The following MTCL2 variants were observed in gnomAD, a reference collection of about 807,000 sequenced individuals.
MTCL2 encodes the protein microtubule cross-linking factor 2.
At chr20:36,812,183 C>T in the MTCL2 span, among the ~76,000 whole-genome samples, 1 of 152,022 alleles carries the variant, frequency 6.6e-6, no homozygotes, top group African/African-American at 2.4e-5. Context: ...CATAATCATC[C>T]TCCTCCTCCT....
the MTCL2 span, chr20:36,862,806 G>C: frequency 1.4e-6 from 2 of 1,400,276 alleles, no homozygotes; most frequent in Admixed American, 5.1e-5. Flanking sequence ...CGCGGCCACC[G>C]ACGGCTCGTC....
At chr20:36,813,031 G>A in the MTCL2 span, among the ~76,000 whole-genome samples, 5 of 152,224 alleles carry the variant, frequency 3.3e-5, no homozygotes, top group South Asian at 4.1e-4. Context: ...CACTGCTGCC[G>A]TTTAATGAAT....
the MTCL2 span, among the ~76,000 whole-genome samples, chr20:36,804,153 C>T: frequency 5.3e-5 from 8 of 152,082 alleles, no homozygotes; most frequent in Non-Finnish European, 7.4e-5. Flanking sequence ...AGGCTGCTGA[C>T]GCCTGGGAAG....
chr20:36,786,286 C>A, the MTCL2 span: 1 of 1,267,306 alleles, frequency 7.9e-7, no homozygotes, highest in South Asian at 2.4e-5. Context: ...GAAGTCGAAG[C>A]TCACCACCCA....
the MTCL2 span, chr20:36,785,221 C>A: frequency 4.1e-6 from 4 of 985,258 alleles, no homozygotes; most frequent in African/African-American, 7.0e-5. Context: ...ACCAGGAGGC[C>A]AGGTCTCCAA....
the MTCL2 span, chr20:36,793,805 A>C: frequency 6.5e-7 from 1 of 1,541,892 alleles, no homozygotes; most frequent in Non-Finnish European, 8.7e-7. This position sits in a 1 kb window ranked among gnomAD's most constrained non-coding sequence, Gnocchi z 6.8. Context: ...GCGCGAATGG[A>C]CCTTGTCCAG....
At chr20:36,807,865 C>CTTT in the MTCL2 span, among the ~76,000 whole-genome samples, 37 of 53,542 alleles carry the variant, frequency 6.9e-4, 3 homozygotes, top group East Asian at 4.8e-3. Context: ...GAAACCCTGT[C>CTTT]TTTTTTTTTT....
At chr20:36,832,421 A>G in the MTCL2 span, among the ~76,000 whole-genome samples, 1 of 152,190 alleles carries the variant, frequency 6.6e-6, no homozygotes, top group South Asian at 2.1e-4. Context: ...GGGGTTCATG[A>G]ACAACTCTAT....
chr20:36,777,526 C>T, the MTCL2 span: 1 of 397,616 alleles, frequency 2.5e-6, no homozygotes, highest in Admixed American at 4.5e-5. Context: ...ATTCTCATGT[C>T]TGAAATAAGA....
the MTCL2 span, among the ~76,000 whole-genome samples, chr20:36,845,680 G>A: frequency 1.3e-5 from 2 of 152,224 alleles, no homozygotes; most frequent in Non-Finnish European, 2.9e-5. Context: ...AGGTGCTGCT[G>A]GGGCTTGGGG....
chr20:36,822,784 G>A, the MTCL2 span, among the ~76,000 whole-genome samples: 18 of 150,794 alleles, frequency 1.2e-4, no homozygotes, highest in South Asian at 2.7e-3. Context: ...TTGAGACAGG[G>A]TCTCACTCTG....
At chr20:36,826,694 T>G in the MTCL2 span, among the ~76,000 whole-genome samples, 2 of 151,828 alleles carry the variant, frequency 1.3e-5, no homozygotes, top group African/African-American at 4.8e-5. Flanking sequence ...CTTCTTAAGG[T>G]TGAATAGTTT....
At chr20:36,839,515 A>G in the MTCL2 span, 1 of 1,397,440 alleles carries the variant, frequency 7.2e-7, no homozygotes, top group Non-Finnish European at 9.8e-7. The surrounding 1 kb of genome is among the most constrained non-coding windows in gnomAD (Gnocchi z 5.1). Flanking sequence ...GGCCACACCT[A>G]GGACTGAATG....
the MTCL2 span, among the ~76,000 whole-genome samples, chr20:36,807,074 C>A: frequency 6.6e-6 from 1 of 152,074 alleles, no homozygotes; most frequent in African/African-American, 2.4e-5. Context: ...CAGCTTCGGA[C>A]AGGAGGACCG....
the MTCL2 span, among the ~76,000 whole-genome samples, chr20:36,820,295 A>G: frequency 6.6e-6 from 1 of 152,186 alleles, no homozygotes; most frequent in Admixed American, 6.5e-5. Flanking sequence ...AGTGACAGAG[A>G]GGAGAGCCAG....
chr20:36,789,545 C>T, the MTCL2 span, among the ~76,000 whole-genome samples: 1 of 151,874 alleles, frequency 6.6e-6, no homozygotes, highest in Non-Finnish European at 1.5e-5. Context: ...CCTGTAATCC[C>T]AGCTACTTGG....
the MTCL2 span, among the ~76,000 whole-genome samples, chr20:36,810,783 G>A: frequency 7.1e-6 from 1 of 140,926 alleles, no homozygotes. Flanking sequence ...CTTTGAGCGT[G>A]ATCTTGGCTC....
the MTCL2 span, among the ~76,000 whole-genome samples, chr20:36,820,434 G>C: frequency 6.6e-6 from 1 of 152,322 alleles, no homozygotes; most frequent in Admixed American, 6.5e-5. Context: ...TCTGTTAAGG[G>C]AAAGAAGTGA....
At chr20:36,862,748 G>A in the MTCL2 span, 3 of 1,469,914 alleles carry the variant, frequency 2.0e-6, no homozygotes, top group Non-Finnish European at 1.8e-6. Context: ...TGAGGTCGGA[G>A]AAGGCAAGCG....
Sources: allele counts gnomAD v4.1 joint callset (sites outside exome capture counted in the v4.1 genomes callset), GRCh38; gene constraint gnomAD v4.1.1; non-coding constraint Gnocchi (gnomAD v3.1); transcripts MANE v1.5; gene names NCBI Gene and HGNC (gene_info 2026-07-23, HGNC 2026-07-21).